Variants in SLC39A9 observed in about 807,000 individuals in gnomAD.
The protein encoded by SLC39A9 is solute carrier family 39 member 9, also known as zinc transporter ZIP9.
Under a neutral mutation model 28.4 loss-of-function variants are expected in SLC39A9, and 14 were observed. That is an observed-to-expected ratio of 0.49 (90% confidence interval 0.33 to 0.77). The LOEUF (loss-of-function observed/expected upper bound fraction) is 0.77. SLC39A9 is among the 30% of genes least tolerant of loss of function. The pLI is 0.02. For missense variants in SLC39A9, 283 were observed against 381.1 expected (o/e 0.74, Z 2.14); for synonymous variants, 119 against 149.6 (o/e 0.80, Z 1.49).
intron 1 of SLC39A9, among the ~76,000 whole-genome samples, chr14:69,407,961 G>A (rs1190636788): frequency 1.3e-5 from 2 of 151,758 alleles, no homozygotes; most frequent in Admixed American, 6.6e-5. Context: ...TTCTCTCTTA[G>A]TCAATTCCTC....
chr14:69,404,175 A>G (rs1051678734), intron 1 of SLC39A9, among the ~76,000 whole-genome samples: 2 of 152,212 alleles, frequency 1.3e-5, no homozygotes, highest in Non-Finnish European at 2.9e-5. Context: ...GCAGTGAGCT[A>G]TGAGTGTGCC....
At chr14:69,417,450 A>G (rs186590267) in intron 1 of SLC39A9, among the ~76,000 whole-genome samples, 3 of 152,360 alleles carry the variant, frequency 2.0e-5, no homozygotes, top group East Asian at 1.9e-4. Context: ...TGTCTTGGCA[A>G]TGCGACCTGT....
chr14:69,435,581 G>C (rs1884701566), intron 2 of SLC39A9, among the ~76,000 whole-genome samples: 1 of 152,120 alleles, frequency 6.6e-6, no homozygotes, highest in Admixed American at 6.6e-5. Context: ...AAATATTTTA[G>C]ACTTTGTGAG....
chr14:69,422,860 C>G (rs1271461403), intron 1 of SLC39A9, among the ~76,000 whole-genome samples: 1 of 152,106 alleles, frequency 6.6e-6, no homozygotes, highest in African/African-American at 2.4e-5. Context: ...GATCATTTTT[C>G]ATACTTCTAA....
intron 1 of SLC39A9, among the ~76,000 whole-genome samples, chr14:69,401,399 T>C (rs921383856): frequency 4.6e-5 from 7 of 152,230 alleles, no homozygotes. Context: ...TATATTAGAA[T>C]TGAATTGACA....
Position 69,414,701 on chromosome 14 carries a change from G to A in SLC39A9, c.97-9393G>A, listed in dbSNP as rs1883474606. 3.3e-5 allele frequency among the ~76,000 whole-genome samples: 5 copies of A among 152,170 alleles called. No homozygotes were observed. The South Asian group carries it at 1.0e-3, about 32-fold the overall frequency. On this transcript the variant is annotated intron_variant, in intron 1 of 6. Coordinates refer to ENST00000336643, the MANE Select transcript of SLC39A9 (RefSeq NM_018375.5). ...TATAGGTTGATGAATTTTAGCAAATGTTTACAAATGTAACATCCCAATCAA... is the reference window on the plus strand; with the variant it reads ...TATAGGTTGATGAATTTTAGCAAATATTTACAAATGTAACATCCCAATCAA...
In SLC39A9 at chr14:69,423,951, A is replaced by G. The variant is rs377738285; in HGVS notation, c.97-143A>G. 1,508 of 570,184 alleles carry G rather than the reference A, an allele frequency of 2.6e-3. 26 individuals carry two copies. The highest frequency in any genetic ancestry group is 0.019 in the South Asian group (885 of 46,520). 35.3% of individuals were successfully genotyped at this position (570,184 alleles called of 1,614,324 possible). On this transcript the variant is annotated intron_variant, in intron 1 of 6. Transcript: ENST00000336643. Reference sequence around the variant, plus strand: ...TGTTTTACTTGGCATTACTCATGCAATTGATCATTTTTCATCTTCGCTGTC... The same window carrying G: ...TGTTTTACTTGGCATTACTCATGCAGTTGATCATTTTTCATCTTCGCTGTC...
At chr14:69,434,275 G>T (rs917660308) in intron 2 of SLC39A9, among the ~76,000 whole-genome samples, 1 of 151,364 alleles carries the variant, frequency 6.6e-6, no homozygotes, top group Non-Finnish European at 1.5e-5. Context: ...GTGGAGACAG[G>T]GTTTCACCAT....
At chr14:69,437,597 T>G (rs1242548089) in intron 2 of SLC39A9, among the ~76,000 whole-genome samples, 3 of 151,758 alleles carry the variant, frequency 2.0e-5, no homozygotes, top group Non-Finnish European at 4.4e-5. Flanking sequence ...TTTGTTTGTT[T>G]TTTTTTTTTT....
At chr14:69,440,018 A>C (rs12890434) in intron 2 of SLC39A9, among the ~76,000 whole-genome samples, 8,455 of 152,272 alleles carry the variant, frequency 0.056, 325 homozygotes, top group East Asian at 0.094. Context: ...GGGAGGCCTC[A>C]GGAAACTTAC....
At chr14:69,441,895 T>A in intron 2 of SLC39A9, 174 bp from the exon 3 acceptor site, 1 of 1,389,578 alleles carries the variant, frequency 7.2e-7, no homozygotes, top group South Asian at 1.7e-5. Flanking sequence ...TTGGGAATTT[T>A]TTCATCATGA....
At chr14:69,404,645 A>C (rs898211399) in intron 1 of SLC39A9, among the ~76,000 whole-genome samples, 1 of 152,152 alleles carries the variant, frequency 6.6e-6, no homozygotes, top group Non-Finnish European at 1.5e-5. Context: ...AGTCATGGAA[A>C]CTTCTCGGCA....
intron 1 of SLC39A9, among the ~76,000 whole-genome samples, chr14:69,415,219 G>T (rs1883503437): frequency 6.6e-6 from 1 of 152,172 alleles, no homozygotes; most frequent in African/African-American, 2.4e-5. Context: ...TTTCCAAAGT[G>T]GTTGTACCAT....
rs368194737 is a variant in SLC39A9, at chr14:69,454,806, A to T, written c.473-6A>T. ...GTATTTTATGTTTCCTTGTTTCCAAATATAGCTGATGGTGTTGCTTTGGGA... is the reference window on the plus strand; with the variant it reads ...GTATTTTATGTTTCCTTGTTTCCAATTATAGCTGATGGTGTTGCTTTGGGA... On this transcript the variant is annotated splice_polypyrimidine_tract_variant and splice_region_variant and intron_variant, in intron 4 of 6. Coordinates refer to ENST00000336643, the MANE Select transcript of SLC39A9 (RefSeq NM_018375.5). The T allele has an allele frequency of 6.1e-5, 99 of 1,612,580 alleles. No individual in the cohort carries two copies. The highest frequency in any genetic ancestry group is 7.7e-5 in the Non-Finnish European group (91 of 1,178,812).
rs1885070222 is a variant in SLC39A9 at position 69,442,010 on chromosome 14, A to G, written c.206-59A>G. The stretch of plus-strand genomic sequence containing the variant: ...TGAAATACAAAGAATGGAAACTCCT[A>G]CATGAAAATGTTTTTAGGGGAAAAA... On this transcript the variant is annotated intron_variant, in intron 2 of 6. Coordinates refer to ENST00000336643, the MANE Select transcript of SLC39A9 (RefSeq NM_018375.5). The G allele has an allele frequency of 2.6e-6, 4 of 1,565,082 alleles. No homozygotes were observed. The East Asian group carries it at 9.0e-5, about 35-fold the overall frequency.
At position 69,399,310 on chromosome 14, in the gene SLC39A9, C is replaced by T; in HGVS notation, c.-60C>T. ...CACACCTGTTTAAAGAACCTAAGCACCATTTAAAGCCACTGGAAATTTGTT... is the reference window on the plus strand; with the variant it reads ...CACACCTGTTTAAAGAACCTAAGCATCATTTAAAGCCACTGGAAATTTGTT... On this transcript the variant is annotated 5_prime_UTR_variant, in exon 1 of 7. Transcript: ENST00000336643. The T allele has an allele frequency of 6.8e-7, 1 of 1,463,640 alleles. No homozygotes were observed. The highest frequency in any genetic ancestry group is 9.5e-7 in the Non-Finnish European group (1 of 1,049,786). The allele number at this position is 1,463,640 out of a possible 1,614,324, so 90.7% of individuals were successfully genotyped here. A position where few individuals can be genotyped will look rare whatever the true frequency, so the allele number is the denominator to read the frequency against.
In SLC39A9 at chr14:69,460,057, C is replaced by T; in HGVS notation, c.*1464C>T. 1.0e-6 allele frequency: 1 copy of T among 983,906 alleles called. No homozygotes were observed. The highest frequency in any genetic ancestry group is 1.2e-6 in the Non-Finnish European group (1 of 828,582). 60.9% of individuals were successfully genotyped at this position (983,906 alleles called of 1,614,324 possible). A position where few individuals can be genotyped will look rare whatever the true frequency, so the allele number is the denominator to read the frequency against. ...TAGGATAATTTTTTTTTCATATTTG[C>T]CAAAATTTTTGTAAACCCTGTCTTG... is the stretch of plus-strand genomic sequence containing the variant. On this transcript the variant is annotated 3_prime_UTR_variant, in exon 7 of 7. Coordinates refer to ENST00000336643, the MANE Select transcript of SLC39A9 (RefSeq NM_018375.5).
At chr14:69,449,546 G>A (rs1885504737) in intron 3 of SLC39A9, among the ~76,000 whole-genome samples, 1 of 152,036 alleles carries the variant, frequency 6.6e-6, no homozygotes, top group Non-Finnish European at 1.5e-5. Context: ...GATTGCTTGA[G>A]CCCAGGAATT....
chr14:69,401,163 C>T (rs111343888), intron 1 of SLC39A9, among the ~76,000 whole-genome samples: 120 of 152,198 alleles, frequency 7.9e-4, no homozygotes, highest in African/African-American at 2.8e-3. Flanking sequence ...TACATGGTAG[C>T]CTGTGTGCCA....
Sources: gnomAD v4.1 joint callset for allele counts (sites outside exome capture counted in the v4.1 genomes callset) on GRCh38, gnomAD v4.1.1 for gene constraint, MANE v1.5 for transcripts, NCBI Gene and HGNC (gene_info 2026-07-23, HGNC 2026-07-21) for gene names.